Variants in CDH9 observed in about 807,000 individuals in gnomAD.
CDH9 encodes the protein cadherin-9.
A neutral mutation model predicts 70.9 loss-of-function variants in CDH9; 28 were observed. The ratio of observed to expected loss-of-function variants is 0.40; its 90% CI spans 0.29 to 0.54. CDH9 has a LOEUF of 0.54. CDH9 is among the 20% of genes least tolerant of loss of function. CDH9 has a pLI of 0.59. For missense variants in CDH9, 874 were observed against 984.4 expected, an observed-to-expected ratio of 0.89 and a Z score of 1.50; for synonymous variants, 409 against 343.1, an observed-to-expected ratio of 1.19 and a Z score of -2.12.
At chr5:26,933,689 G>T (rs1005593632) in intron 2 of CDH9, among the ~76,000 whole-genome samples, 1 of 151,794 alleles carries the variant, frequency 6.6e-6, no homozygotes, top group Non-Finnish European at 1.5e-5. Context: ...CAGGAGAATC[G>T]CTTGAACCCA....
At chr5:27,001,844 A>ACACACTCTCTCTCTCTCT (rs1312157550) in intron 1 of CDH9, among the ~76,000 whole-genome samples, 2 of 142,002 alleles carry the variant, frequency 1.4e-5, no homozygotes, top group African/African-American at 5.5e-5. Flanking sequence ...ACACACACAC[A>ACACACTCTCTCTCTCTCT]CTCTCTCTCT....
intron 2 of CDH9, among the ~76,000 whole-genome samples, chr5:26,943,278 G>A (rs765103301): frequency 1.4e-4 from 22 of 152,088 alleles, no homozygotes; most frequent in Non-Finnish European, 2.1e-4. Context: ...TTGGGAGGCC[G>A]AGGCGGGCAG....
Position 26,915,581 on chromosome 5 carries a change from A to G in CDH9, c.523+49T>C, listed in dbSNP as rs1459002384. The stretch of plus-strand genomic sequence containing the variant: ...ACCACAAGTCAATAATAATTACCTG[A>G]GCAAACAAACAAATAAAAAGTAGTT... On this transcript the variant is annotated intron_variant, in intron 3 of 11. Coordinates refer to ENST00000231021, the MANE Select transcript of CDH9 (RefSeq NM_016279.4). 6 of 1,067,032 alleles carry G rather than the reference A, an allele frequency of 5.6e-6. No individual in the cohort carries two copies. The East Asian group carries it at 1.4e-4, about 25-fold the overall frequency. The allele number at this position is 1,067,032 out of a possible 1,614,324, so 66.1% of individuals were successfully genotyped here.
intron 1 of CDH9, among the ~76,000 whole-genome samples, chr5:27,005,679 G>T (rs569073886): frequency 4.6e-5 from 7 of 151,954 alleles, no homozygotes; most frequent in Non-Finnish European, 1.0e-4. Context: ...ATATCCAGAG[G>T]AATATAAATC....
At chr5:26,917,783 A>G (rs1005961643) in intron 2 of CDH9, among the ~76,000 whole-genome samples, 9 of 151,934 alleles carry the variant, frequency 5.9e-5, no homozygotes, top group Admixed American at 5.3e-4. Flanking sequence ...CTCTTGCTCT[A>G]CTCCAAGCAA....
chr5:26,925,377 C>A (rs1230649885), intron 2 of CDH9, among the ~76,000 whole-genome samples: 1 of 152,078 alleles, frequency 6.6e-6, no homozygotes, highest in Non-Finnish European at 1.5e-5. Context: ...ATATCCTTTG[C>A]CCACTTTCTG....
chr5:26,924,521 A>G (rs1050055104), intron 2 of CDH9, among the ~76,000 whole-genome samples: 14 of 149,442 alleles, frequency 9.4e-5, no homozygotes, highest in Non-Finnish European at 3.0e-5. Flanking sequence ...AGGAGGAAAT[A>G]TATATATATT....
chr5:27,003,585 T>A (rs930952018), intron 1 of CDH9, among the ~76,000 whole-genome samples: 1 of 151,924 alleles, frequency 6.6e-6, no homozygotes, highest in Non-Finnish European at 1.5e-5. Context: ...CCCAGACCCA[T>A]GAGCTCAGTG....
At chr5:26,928,736 T>G (rs1434515084) in intron 2 of CDH9, among the ~76,000 whole-genome samples, 3 of 151,932 alleles carry the variant, frequency 2.0e-5, no homozygotes, top group African/African-American at 4.8e-5. Context: ...GAATATATGC[T>G]GAGGAAAGGA....
At chr5:27,007,977 G>T (rs1579509671) in intron 1 of CDH9, among the ~76,000 whole-genome samples, 1 of 151,844 alleles carries the variant, frequency 6.6e-6, no homozygotes, top group South Asian at 2.1e-4. Flanking sequence ...CAAAAAAAAA[G>T]ACACTTACAT....
At chr5:26,921,488 G>A (rs1039384175) in intron 2 of CDH9, among the ~76,000 whole-genome samples, 1 of 152,116 alleles carries the variant, frequency 6.6e-6, no homozygotes, top group Admixed American at 6.6e-5. Context: ...CCACCATCCT[G>A]GGACGGGAAC....
intron 1 of CDH9, among the ~76,000 whole-genome samples, chr5:27,030,609 C>T (rs778680104): frequency 1.3e-5 from 2 of 150,892 alleles, no homozygotes; most frequent in Non-Finnish European, 3.0e-5. Context: ...CAGTTTATTG[C>T]AAGGAGAAGA....
At chr5:26,957,895 T>C (rs1741972970) in intron 2 of CDH9, among the ~76,000 whole-genome samples, 1 of 152,182 alleles carries the variant, frequency 6.6e-6, no homozygotes, top group African/African-American at 2.4e-5. Flanking sequence ...TATCTCAATG[T>C]TATTGTGAGA....
At chr5:26,971,776 CA>C (rs1317144329) in intron 2 of CDH9, among the ~76,000 whole-genome samples, 2 of 152,040 alleles carry the variant, frequency 1.3e-5, no homozygotes, top group Non-Finnish European at 2.9e-5. Flanking sequence ...TACACACACA[CA>C]CACACCCATA....
chr5:26,883,407 A>T lies in CDH9; in HGVS notation c.1883-1784T>A, dbSNP rs189280814. On this transcript the variant is annotated intron_variant, in intron 11 of 11. Coordinates refer to ENST00000231021, the MANE Select transcript of CDH9 (RefSeq NM_016279.4). ...TTAAAATTATCCGATCATTTCTTAG[A>T]TTGAGGTTATTAATCTGGGGCACGT... Among the ~76,000 whole-genome samples the T allele has an allele frequency of 3.6e-3, 549 of 151,720 alleles. 1 individual carries two copies. The highest frequency in any genetic ancestry group is 0.012 in the African/African-American group (510 of 41,430).
intron 6 of CDH9, 78 bp downstream of exon 6, chr5:26,903,559 G>A: frequency 1.1e-6 from 1 of 929,702 alleles, no homozygotes; most frequent in African/African-American, 1.6e-5. Context: ...ATAAATCCCA[G>A]GCTTTTTTTC....
Position 26,915,887 on chromosome 5 carries a change from T to C in CDH9, c.266A>G (p.Lys89Arg). The C allele has an allele frequency of 1.2e-6, 2 of 1,612,068 alleles. No homozygotes were observed. The highest frequency in any genetic ancestry group is 1.7e-6 in the Non-Finnish European group (2 of 1,178,530). ...TDQDKGDGNLKYILTGDGAGS... is the reference protein window; with the variant it reads ...TDQDKGDGNLRYILTGDGAGS... ...AGCCCCATCTCCTGTTAGTATGTAT[T>C]TTAAATTTCCATCTCCTTTATCTTG... Residue 89 changes from lysine (K) to arginine (R), a missense_variant, in exon 3 of 12, where the codon AAA becomes AGA. Lys to Arg is a conservative substitution (Grantham distance 26, BLOSUM62 2). Coordinates refer to ENST00000231021, the MANE Select transcript of CDH9 (RefSeq NM_016279.4).
Position 26,889,935 on chromosome 5 carries a change from G to A in CDH9, c.1413C>T (p.His471=), listed in dbSNP as rs746608191. 1.2e-6 allele frequency: 2 copies of A among 1,608,208 alleles called. No individual in the cohort carries two copies. Among genetic ancestry groups the A allele is most frequent in the South Asian group, 2.2e-5 (2 of 90,470 alleles). ...CTAGAATTCTGATGAAGACAGGGAT[G>A]TGGCTACTTTGTTTTGGGTTATCTG... The part of the protein sequence containing the change: ...TEINNPKQSS[H]IPVFIRILDI... Residue 471 remains histidine (H), a synonymous_variant, in exon 9 of 12, where the codon CAC becomes CAT. Transcript: ENST00000231021.
At chr5:27,009,274 A>G in intron 1 of CDH9, among the ~76,000 whole-genome samples, 1 of 152,148 alleles carries the variant, frequency 6.6e-6, no homozygotes, top group East Asian at 1.9e-4. Context: ...TAGTTTCTAC[A>G]TCAAGTTTAG....
Sources: allele counts gnomAD v4.1 joint callset (sites outside exome capture counted in the v4.1 genomes callset), GRCh38; gene constraint gnomAD v4.1.1; transcripts MANE v1.5; gene names NCBI Gene and HGNC (gene_info 2026-07-23, HGNC 2026-07-21).